Variants in GAP43 observed in about 807,000 individuals in gnomAD.
GAP43 encodes the protein neuromodulin.
A neutral mutation model predicts 18.6 loss-of-function variants in GAP43; 6 were observed. The ratio of observed to expected loss-of-function variants is 0.32; its 90% CI spans 0.18 to 0.64. GAP43 has a LOEUF of 0.64. Ranked by LOEUF, GAP43 falls within the 30% of genes least tolerant of loss-of-function variation. The pLI is 0.78. For synonymous variants in GAP43, 115 were observed against 111.4 expected (o/e 1.03, Z -0.20); for missense variants, 292 against 295.5 (o/e 0.99, Z 0.09).
rs1360319539 is a variant in GAP43 at position 115,623,597 on chromosome 3, C to A, written c.-93C>A. On this transcript the variant is annotated 5_prime_UTR_variant, in exon 1 of 3. Transcript: ENST00000305124. ...GCGCTAGCGCGAGAGAGCGAGTGAG[C>A]AAGCGAGCAGAAAAGAGGTGGAGAG... 1.3e-6 allele frequency: 2 copies of A among 1,523,008 alleles called. No individual in the cohort carries two copies. Among genetic ancestry groups the A allele is most frequent in the African/African-American group, 1.4e-5 (1 of 72,212 alleles). The allele number at this position is 1,523,008 out of a possible 1,614,324, so 94.3% of individuals were successfully genotyped here.
intron 2 of GAP43, among the ~76,000 whole-genome samples, chr3:115,677,681 T>G (rs9873303): frequency 6.6e-6 from 1 of 152,136 alleles, no homozygotes; most frequent in Non-Finnish European, 1.5e-5. Flanking sequence ...GGTTTACTCC[T>G]TTAGAAGCGC....
chr3:115,684,916 C>A (rs185061447), intron 2 of GAP43, among the ~76,000 whole-genome samples: 1 of 152,304 alleles, frequency 6.6e-6, no homozygotes, highest in East Asian at 1.9e-4. Context: ...GAGACACCAC[C>A]TTTCATTCAA....
intron 2 of GAP43, among the ~76,000 whole-genome samples, chr3:115,717,941 G>A (rs1398533424): frequency 2.0e-5 from 3 of 152,148 alleles, no homozygotes; most frequent in African/African-American, 7.2e-5. Context: ...TAGCTTGATT[G>A]TATTCCAACA....
intron 1 of GAP43, among the ~76,000 whole-genome samples, chr3:115,669,546 A>G (rs1013395663): frequency 6.6e-6 from 1 of 152,234 alleles, no homozygotes; most frequent in Non-Finnish European, 1.5e-5. Context: ...GTTTGAAGGC[A>G]TCAGTTGCAA....
intron 2 of GAP43, among the ~76,000 whole-genome samples, chr3:115,698,062 T>A (rs1339060494): frequency 1.6e-5 from 1 of 62,884 alleles, no homozygotes; most frequent in East Asian, 4.1e-4. Flanking sequence ...ATATAAAATA[T>A]ATATTATATA....
chr3:115,659,133 C>T (rs757617932), intron 1 of GAP43, among the ~76,000 whole-genome samples: 3 of 151,946 alleles, frequency 2.0e-5, no homozygotes, highest in South Asian at 2.1e-4. Context: ...GAAGAGCGGC[C>T]GGCAGGAAGG....
In GAP43 at chr3:115,676,321, G is replaced by T. The variant is rs760603030; in HGVS notation, c.339G>T (p.Lys113Asn). ...KAGETPSEEK[K>N]GEGDAATEQA... Reference sequence around the variant, plus strand: ...GAGAAACTCCTTCCGAGGAGAAGAAGGGGGAGGGTGATGCTGCCACAGAGC... The same window carrying T: ...GAGAAACTCCTTCCGAGGAGAAGAATGGGGAGGGTGATGCTGCCACAGAGC... The change falls in exon 2 of 3, where the codon AAG becomes AAT. Residue 113 changes from lysine (K) to asparagine (N), a missense_variant. Transcript: ENST00000305124. 15 of 1,614,046 alleles carry T rather than the reference G, an allele frequency of 9.3e-6. No individual in the cohort carries two copies. The African/African-American group carries it at 1.6e-4, about 17-fold the overall frequency.
At chr3:115,697,424 T>C (rs1360615454) in intron 2 of GAP43, among the ~76,000 whole-genome samples, 1 of 152,166 alleles carries the variant, frequency 6.6e-6, no homozygotes, top group African/African-American at 2.4e-5. Context: ...TCCCTGTACA[T>C]TCTTTGGTGA....
chr3:115,689,420 A>G (rs1009128806), intron 2 of GAP43, among the ~76,000 whole-genome samples: 1 of 152,180 alleles, frequency 6.6e-6, no homozygotes, highest in Non-Finnish European at 1.5e-5. Flanking sequence ...GCACCTATGG[A>G]GAGATTTCTT....
chr3:115,719,507 T>C (rs1234201718), intron 2 of GAP43, among the ~76,000 whole-genome samples: 4 of 152,162 alleles, frequency 2.6e-5, no homozygotes, highest in Non-Finnish European at 5.9e-5. Context: ...GGAGGGTGCC[T>C]ACATGACCTA....
At chr3:115,664,128 G>A (rs780984017) in intron 1 of GAP43, among the ~76,000 whole-genome samples, 6 of 151,652 alleles carry the variant, frequency 4.0e-5, no homozygotes, top group Non-Finnish European at 7.4e-5. Context: ...CAATAAATAT[G>A]TTTGGGGTGT....
rs1264520580 is a variant in GAP43 at position 115,677,546 on chromosome 3, T to C, written c.628+936T>C. ...TAGATCCTTCCCTCACCCCAACACATCCACAGTGGTAAAGGAGGCCAACAG... is the reference window on the plus strand; with the variant it reads ...TAGATCCTTCCCTCACCCCAACACACCCACAGTGGTAAAGGAGGCCAACAG... On this transcript the variant is annotated intron_variant, in intron 2 of 2. Coordinates refer to ENST00000305124, the MANE Select transcript of GAP43 (RefSeq NM_002045.4). Among the ~76,000 whole-genome samples, 4 of 152,142 alleles carry C rather than the reference T, an allele frequency of 2.6e-5. No individual in the cohort carries two copies. The East Asian group carries it at 7.7e-4, about 29-fold the overall frequency.
At position 115,666,404 on chromosome 3, in the gene GAP43, C is replaced by T. The variant is rs146950076; in HGVS notation, c.31-9609C>T. On this transcript the variant is annotated intron_variant, in intron 1 of 2. Transcript: ENST00000305124. ...ATACCTACAATCATCAGGATGAATA[C>T]AGTCTCATGACCAAATCTCCTCTGG... Among the ~76,000 whole-genome samples, 358 of 152,300 alleles carry T rather than the reference C, an allele frequency of 2.4e-3. 1 individual carries two copies. The highest frequency in any genetic ancestry group is 7.7e-3 in the African/African-American group (321 of 41,564).
intron 1 of GAP43, among the ~76,000 whole-genome samples, chr3:115,645,693 A>T (rs1056396362): frequency 3.3e-5 from 5 of 152,108 alleles, no homozygotes; most frequent in East Asian, 1.9e-4. Flanking sequence ...TGAAAACTTA[A>T]CTCAGTTTAG....
intron 2 of GAP43, among the ~76,000 whole-genome samples, chr3:115,682,437 G>T (rs968498851): frequency 6.6e-6 from 1 of 152,060 alleles, no homozygotes; most frequent in Non-Finnish European, 1.5e-5. Context: ...TTATATTCTT[G>T]CTTAGGTCTA....
intron 2 of GAP43, among the ~76,000 whole-genome samples, chr3:115,678,795 A>G (rs1708924164): frequency 6.6e-6 from 1 of 151,888 alleles, no homozygotes; most frequent in South Asian, 2.1e-4. Flanking sequence ...GAAGGTAATC[A>G]CAAAGGGCAA....
chr3:115,627,706 A>C (rs1237358351), intron 1 of GAP43, among the ~76,000 whole-genome samples: 2 of 152,186 alleles, frequency 1.3e-5, no homozygotes, highest in Admixed American at 6.5e-5. Context: ...GCATTTAACT[A>C]TTCACTTCCC....
intron 1 of GAP43, among the ~76,000 whole-genome samples, chr3:115,631,327 C>A (rs749523488): frequency 2.6e-5 from 4 of 152,114 alleles, no homozygotes; most frequent in Non-Finnish European, 4.4e-5. Flanking sequence ...GTAATTTAAC[C>A]TTTCTGAGCC....
At chr3:115,717,645 G>T (rs1439308849) in intron 2 of GAP43, among the ~76,000 whole-genome samples, 1 of 149,692 alleles carries the variant, frequency 6.7e-6, no homozygotes, top group Non-Finnish European at 1.5e-5. Flanking sequence ...ATTATGAAAG[G>T]CTTTAAGGAG....
Sources: gnomAD v4.1 joint callset for allele counts (sites outside exome capture counted in the v4.1 genomes callset) on GRCh38, gnomAD v4.1.1 for gene constraint, MANE v1.5 for transcripts, NCBI Gene and HGNC (gene_info 2026-07-23, HGNC 2026-07-21) for gene names.